RNF17: variants seen among roughly 807,000 people sequenced by gnomAD.
RNF17 encodes spermatogenesis associated 23.
A neutral mutation model predicts 200.5 loss-of-function variants in RNF17; 31 were observed. The ratio of observed to expected loss-of-function variants is 0.15; its 90% CI spans 0.12 to 0.21. The LOEUF (loss-of-function observed/expected upper bound fraction) is 0.21, where lower values mean the gene tolerates loss of function less well. Among genes scored for constraint, RNF17 ranks in the 10% least tolerant of loss-of-function variants. The probability of loss-of-function intolerance (pLI) is 1.00; values close to 1 mark genes in which losing one functional copy is unlikely to be tolerated. For missense variants in RNF17, 1,628 were observed against 1,905.1 expected (o/e 0.85, Z 2.71); for synonymous variants, 606 against 637.8 (o/e 0.95, Z 0.75).
chr13:24,799,399 A>G lies in RNF17; in HGVS notation c.1404A>G (p.Ala468=). The G allele has an allele frequency of 1.2e-6, 2 of 1,604,018 alleles. No individual in the cohort carries two copies. Among genetic ancestry groups the G allele is most frequent in the Non-Finnish European group, 1.7e-6 (2 of 1,175,270 alleles). The change falls in exon 12 of 36, where the codon GCA becomes GCG. Residue 468 remains alanine, a synonymous_variant. Transcript: ENST00000255324. Reference sequence around the variant, plus strand: ...TTTGTTTCCCTCATTATTTAGGTGCAAGAATATTTGTCAGCAGTATTAAAA... The same window carrying G: ...TTTGTTTCCCTCATTATTTAGGTGCGAGAATATTTGTCAGCAGTATTAAAA... ...LDPSDILELG[A]RIFVSSIKNG... is the part of the protein sequence containing the mutation.
chr13:24,816,011 C>G (rs1298632578), intron 15 of RNF17, among the ~76,000 whole-genome samples: 2 of 152,172 alleles, frequency 1.3e-5, no homozygotes, highest in African/African-American at 4.8e-5. Flanking sequence ...CCTCCCGCCT[C>G]AGCCTTCTGA....
At chr13:24,886,420 A>G in the RNF17 span, 1 of 1,221,458 alleles carries the variant, frequency 8.2e-7, no homozygotes, top group East Asian at 5.7e-5. Context: ...ACACCATGGG[A>G]AATCACTGAT....
chr13:24,838,743 C>G (rs2138092541), intron 18 of RNF17, among the ~76,000 whole-genome samples: 1 of 152,268 alleles, frequency 6.6e-6, no homozygotes, highest in South Asian at 2.1e-4. Flanking sequence ...TGAAAGCATT[C>G]CCTCTGAGAA....
downstream of RNF17, chr13:24,884,177 GAAATGT>G (rs1827657296): frequency 6.2e-7 from 1 of 1,614,056 alleles, no homozygotes; most frequent in Admixed American, 1.7e-5. Context: ...GTCCACTTGA[GAAATGT>G]AAGACTTCCA....
intron 1 of RNF17, among the ~76,000 whole-genome samples, chr13:24,766,731 A>G (rs980607211): frequency 1.3e-5 from 2 of 152,264 alleles, no homozygotes; most frequent in Admixed American, 6.5e-5. Flanking sequence ...ATGCTATTTC[A>G]TCTCCAGCCC....
intron 25 of RNF17, among the ~76,000 whole-genome samples, chr13:24,856,574 AT>A (rs907826066): frequency 1.3e-5 from 2 of 152,042 alleles, no homozygotes; most frequent in African/African-American, 4.8e-5. Context: ...AAGAGATCCA[AT>A]TTTTTTTATA....
intron 5 of RNF17, among the ~76,000 whole-genome samples, chr13:24,779,948 TCCAGCTTTAATAAGGAACCA>T (rs1882124008): frequency 1.3e-5 from 2 of 152,184 alleles, no homozygotes; most frequent in South Asian, 4.1e-4. Flanking sequence ...TTAATAAAAT[TCCAGCTTTAATAAGGAACCA>T]TGACTTCTCC....
At chr13:24,855,877 C>T (rs546805196) in intron 25 of RNF17, among the ~76,000 whole-genome samples, 1 of 152,174 alleles carries the variant, frequency 6.6e-6, no homozygotes, top group East Asian at 1.9e-4. Flanking sequence ...CTATTTGAGT[C>T]GTTTGTATTT....
chr13:24,748,753 G>GTT, the RNF17 span, among the ~76,000 whole-genome samples: 725 of 148,968 alleles, frequency 4.9e-3, 10 homozygotes, highest in East Asian at 0.04. Flanking sequence ...TTTGTTTTTT[G>GTT]TTTTTTTTTT....
chr13:24,854,754 C>T (rs1056181471), intron 25 of RNF17, among the ~76,000 whole-genome samples: 1 of 152,084 alleles, frequency 6.6e-6, no homozygotes, highest in Non-Finnish European at 1.5e-5. Context: ...GGTCAATGTG[C>T]TGATCACATT....
At chr13:24,813,011 A>C (rs537059281) in intron 15 of RNF17, among the ~76,000 whole-genome samples, 5 of 152,034 alleles carry the variant, frequency 3.3e-5, no homozygotes, top group Non-Finnish European at 7.4e-5. Context: ...GTGAAATGGT[A>C]TCACTTTGTG....
chr13:24,797,612 C>T (rs986424235), intron 11 of RNF17, among the ~76,000 whole-genome samples: 24 of 151,934 alleles, frequency 1.6e-4, no homozygotes, highest in African/African-American at 7.3e-5. Context: ...CTGGTTTCCT[C>T]GCACATCCTA....
At chr13:24,865,251 G>A (rs1893498103) in intron 29 of RNF17, among the ~76,000 whole-genome samples, 1 of 152,176 alleles carries the variant, frequency 6.6e-6, no homozygotes, top group Non-Finnish European at 1.5e-5. Context: ...CGATGCCCAT[G>A]CTATTCAGTG....
chr13:24,830,605 T>C lies in RNF17; in HGVS notation c.2361+6T>C, dbSNP rs4769382. The C allele has an allele frequency of 0.99, 1,541,558 of 1,549,912 alleles. 766,764 individuals are homozygous for C. The highest frequency in any genetic ancestry group is 1 in the Non-Finnish European group (1,125,333 of 1,126,264). On this transcript the variant is annotated splice_donor_region_variant and intron_variant, in intron 17 of 35. Coordinates refer to ENST00000255324, the MANE Select transcript of RNF17 (RefSeq NM_031277.3). The stretch of plus-strand genomic sequence containing the variant: ...TTCTGAATGCCCCAGAGAAGGTAAT[T>C]TATTTATTATGAATTCTAGGGCTAG...
At chr13:24,759,966 C>A (rs187230958), upstream of RNF17, among the ~76,000 whole-genome samples, 413 of 152,020 alleles carry the variant, frequency 2.7e-3, 7 homozygotes, top group East Asian at 0.053. Flanking sequence ...CATGGTGAAA[C>A]CCCTTCTCTA....
rs1173265471 is a variant in RNF17 at position 24,870,449 on chromosome 13, C to G, written c.4279-122C>G. On this transcript the variant is annotated intron_variant, in intron 31 of 35. Transcript: ENST00000255324. ...GTGGGAAGGAATAGGAGGTGAATAT[C>G]AGGAGGTGTAGGGGTCTCTGGGAGC... 7.2e-6 allele frequency: 5 copies of G among 697,576 alleles called. No individual in the cohort carries two copies. In the Admixed American group the frequency reaches 1.3e-4, roughly 18 times the overall value. 43.2% of individuals were successfully genotyped at this position (697,576 alleles called of 1,614,324 possible). A position where few individuals can be genotyped will look rare whatever the true frequency, so the allele number is the denominator to read the frequency against.
intron 18 of RNF17, among the ~76,000 whole-genome samples, chr13:24,836,252 C>T (rs1889988646): frequency 6.6e-6 from 1 of 152,124 alleles, no homozygotes; most frequent in Non-Finnish European, 1.5e-5. Context: ...ACCTGGACAT[C>T]CAAATACAAG....
rs901974818 is a variant in RNF17, at chr13:24,824,150, C to T, written c.2092-1469C>T. 7 of 703,744 alleles carry T rather than the reference C, an allele frequency of 9.9e-6. No homozygotes were observed. In the Admixed American group the frequency reaches 1.3e-4, roughly 13 times the overall value. The allele number at this position is 703,744 out of a possible 1,614,324, so 43.6% of individuals were successfully genotyped here. A position where few individuals can be genotyped will look rare whatever the true frequency, so the allele number is the denominator to read the frequency against. ...CCTACCATTTAGAAAATTGCTTTTA[C>T]TTCATTAGGCTTCTTGGTTACTGTA... is the stretch of plus-strand genomic sequence containing the variant. On this transcript the variant is annotated intron_variant, in intron 15 of 35. Coordinates refer to ENST00000255324, the MANE Select transcript of RNF17 (RefSeq NM_031277.3).
chr13:24,797,705 A>AGTGTGTGTGTGTGTGT (rs777888152), intron 11 of RNF17, among the ~76,000 whole-genome samples: 1,613 of 118,940 alleles, frequency 0.014, 26 homozygotes, highest in Non-Finnish European at 0.019. Context: ...AGAGACAAAG[A>AGTGTGTGTGTGTGTGT]GTGTGTGTGT....
Sources: gnomAD v4.1 joint callset for allele counts (sites outside exome capture counted in the v4.1 genomes callset) on GRCh38, gnomAD v4.1.1 for gene constraint, MANE v1.5 for transcripts, NCBI Gene and HGNC (gene_info 2026-07-23, HGNC 2026-07-21) for gene names.